SLC37A1: variants seen among roughly 807,000 people sequenced by gnomAD.
SLC37A1 encodes the protein glucose-6-phosphate exchanger SLC37A1.
Under a neutral mutation model 75.3 loss-of-function variants are expected in SLC37A1, and 49 were observed. The ratio of observed to expected loss-of-function variants is 0.65; its 90% confidence interval spans 0.52 to 0.83. The LOEUF (loss-of-function observed/expected upper bound fraction) is 0.83, where lower values mean the gene tolerates loss of function less well. Ranked by LOEUF, SLC37A1 falls within the 40% of genes least tolerant of loss-of-function variation. The probability of loss-of-function intolerance (pLI) is 0.00; values close to 1 mark genes in which losing one functional copy is unlikely to be tolerated. For synonymous variants in SLC37A1, 268 were observed against 292.1 expected (o/e 0.92, Z 0.84); for missense variants, 566 against 695.0 (o/e 0.81, Z 2.09).
chr21:42,547,041 A>C lies in SLC37A1; in HGVS notation c.731-62A>C. 1 of 1,608,472 alleles carries C rather than the reference A, an allele frequency of 6.2e-7. No individual in the cohort carries two copies. Among genetic ancestry groups the C allele is most frequent in the Non-Finnish European group, 8.5e-7 (1 of 1,174,960 alleles). On this transcript the variant is annotated intron_variant, in intron 8 of 19. Coordinates refer to ENST00000352133, the MANE Select transcript of SLC37A1 (RefSeq NM_001320537.2). This position sits in a 1 kb window ranked among gnomAD's most constrained non-coding sequence, Gnocchi z 6.1. Reference sequence around the variant, plus strand: ...GTGTTGCCCTGTCCTCGGGTTACGTAGCTTACTTGGCATTGCCATGGTGGT... The same window carrying C: ...GTGTTGCCCTGTCCTCGGGTTACGTCGCTTACTTGGCATTGCCATGGTGGT...
intron 3 of SLC37A1, among the ~76,000 whole-genome samples, chr21:42,534,451 C>T (rs888337985): frequency 5.9e-5 from 9 of 152,132 alleles, no homozygotes; most frequent in Non-Finnish European, 1.2e-4. Flanking sequence ...ATGAAGATGG[C>T]TTATGTTCGT....
At chr21:42,536,224 A>G (rs1844725761) in intron 5 of SLC37A1, among the ~76,000 whole-genome samples, 2 of 152,222 alleles carry the variant, frequency 1.3e-5, no homozygotes, top group South Asian at 4.1e-4. Flanking sequence ...GCCTTGAGCA[A>G]GTTACTATAC....
At chr21:42,516,967 G>T (rs2054532269) in intron 1 of SLC37A1, among the ~76,000 whole-genome samples, 2 of 152,210 alleles carry the variant, frequency 1.3e-5, no homozygotes, top group South Asian at 4.1e-4. Flanking sequence ...TAAATCTAGA[G>T]GTTTGAGCAG....
chr21:42,523,263 A>C (rs1057268684), intron 2 of SLC37A1, among the ~76,000 whole-genome samples: 1 of 152,138 alleles, frequency 6.6e-6, no homozygotes, highest in African/African-American at 2.4e-5. Flanking sequence ...TGGCCTGAGA[A>C]CTTTGTTCAC....
At position 42,536,191 on chromosome 21, in the gene SLC37A1, G is replaced by C. The variant is rs75071013; in HGVS notation, c.350+641G>C. Among the ~76,000 whole-genome samples the C allele has an allele frequency of 3.0e-3, 462 of 152,314 alleles. 18 individuals carry two copies. The East Asian group carries it at 0.064, about 21-fold the overall frequency. On this transcript the variant is annotated intron_variant, in intron 5 of 19. Transcript: ENST00000352133. ...GACACCAGCTGGGATCTGAACCCCA[G>C]CTCTACCACCTGCTAGGATGTGGCC...
intron 10 of SLC37A1, among the ~76,000 whole-genome samples, chr21:42,556,736 A>T (rs2146955974): frequency 6.6e-6 from 1 of 152,282 alleles, no homozygotes; most frequent in Middle Eastern, 3.4e-3. Context: ...GTCTTGGTCC[A>T]CCCAGTGGCT....
At chr21:42,557,349 C>T (rs961810537) in intron 10 of SLC37A1, among the ~76,000 whole-genome samples, 9 of 152,248 alleles carry the variant, frequency 5.9e-5, no homozygotes, top group Middle Eastern at 3.2e-3. Flanking sequence ...GATTCCAGTG[C>T]TTAGCCACAG....
chr21:42,541,241 T>C (rs1341341739), intron 6 of SLC37A1, among the ~76,000 whole-genome samples: 1 of 152,202 alleles, frequency 6.6e-6, no homozygotes, highest in Admixed American at 6.5e-5. Flanking sequence ...CGGCAATGCT[T>C]GCTCTCCCAC....
chr21:42,573,987 A>G (rs797012217), intron 17 of SLC37A1, among the ~76,000 whole-genome samples: 2 of 133,178 alleles, frequency 1.5e-5, no homozygotes, highest in African/African-American at 6.0e-5. Context: ...GAATTCAGAC[A>G]TTTTAGTACA....
In SLC37A1 at chr21:42,535,528, T is replaced by C; in HGVS notation, c.328T>C (p.Tyr110His). Residue 110 changes from tyrosine to histidine, a missense_variant, in exon 5 of 20, where the codon TAT (tyrosine) becomes CAT (histidine). By Grantham distance (83) the Tyr-to-His change is moderately conservative. Transcript: ENST00000352133. Reference protein sequence around the residue: ...GALDYSFLCAYAVGMYLSGII... With the variant: ...GALDYSFLCAHAVGMYLSGII... ...CCTGGACTACTCCTTCCTGTGCGCC[T>C]ATGCCGTGGGGATGTACCTCAGGTA... 1 of 1,614,214 alleles carries C rather than the reference T, an allele frequency of 6.2e-7. No homozygotes were observed. The highest frequency in any genetic ancestry group is 8.5e-7 in the Non-Finnish European group (1 of 1,180,016).
At chr21:42,510,535 T>A (rs929382342), upstream of SLC37A1, among the ~76,000 whole-genome samples, 2 of 152,054 alleles carry the variant, frequency 1.3e-5, no homozygotes, top group Non-Finnish European at 2.9e-5. Flanking sequence ...TATCAATAAT[T>A]AATGTAAATG....
intron 8 of SLC37A1, among the ~76,000 whole-genome samples, chr21:42,544,287 G>A (rs1729485956): frequency 6.6e-6 from 1 of 152,154 alleles, no homozygotes; most frequent in African/African-American, 2.4e-5. Flanking sequence ...AAACCATATG[G>A]CAGGAGACAG....
intron 5 of SLC37A1, among the ~76,000 whole-genome samples, chr21:42,537,858 G>A (rs1228430121): frequency 6.6e-6 from 1 of 152,166 alleles, no homozygotes; most frequent in Non-Finnish European, 1.5e-5. Context: ...GGGCCTTTTT[G>A]TGTGACAGTC....
At chr21:42,539,085 A>C (rs1385152138) in intron 5 of SLC37A1, among the ~76,000 whole-genome samples, 1 of 152,200 alleles carries the variant, frequency 6.6e-6, no homozygotes, top group East Asian at 1.9e-4. Flanking sequence ...CGTGGGGCCG[A>C]ATGACTTGCT....
At chr21:42,546,660 AGTGACTGGGGACAGGCCGG>A (rs2055414853) in intron 8 of SLC37A1, among the ~76,000 whole-genome samples, 1 of 152,188 alleles carries the variant, frequency 6.6e-6, no homozygotes, top group African/African-American at 2.4e-5. Context: ...TGCCAGGCCG[AGTGACTGGGGACAGGCCGG>A]GGCGTGTGCG....
rs1030498721 is a variant in SLC37A1 at position 42,573,227 on chromosome 21, G to A, written c.1424-1591G>A. ...GGATGAGAAAAGAGACCTGGGATCCGAGGTGCGGCAGAGGGAATGTAGCTA... is the reference window on the plus strand; with the variant it reads ...GGATGAGAAAAGAGACCTGGGATCCAAGGTGCGGCAGAGGGAATGTAGCTA... On this transcript the variant is annotated intron_variant, in intron 17 of 19. Coordinates refer to ENST00000352133, the MANE Select transcript of SLC37A1 (RefSeq NM_001320537.2). 8.5e-5 allele frequency among the ~76,000 whole-genome samples: 13 copies of A among 152,316 alleles called. 1 individual carries two copies. In the South Asian group the frequency reaches 1.2e-3, roughly 15 times the overall value.
intron 9 of SLC37A1, among the ~76,000 whole-genome samples, chr21:42,549,116 G>A (rs2839546): frequency 0.14 from 20,713 of 152,118 alleles, 2,072 homozygotes; most frequent in African/African-American, 0.28. Flanking sequence ...TTGTACAGTC[G>A]TGCCGTGAAG....
intron 9 of SLC37A1, among the ~76,000 whole-genome samples, chr21:42,551,000 G>A (rs2055543182): frequency 2.0e-5 from 3 of 152,236 alleles, no homozygotes; most frequent in Admixed American, 2.0e-4. Context: ...CTTTCCGCCT[G>A]AGATCAGGAA....
chr21:42,561,989 G>A (rs2055841892), intron 11 of SLC37A1, 89 bp from the exon 12 acceptor site: 2 of 1,046,876 alleles, frequency 1.9e-6, no homozygotes, highest in Non-Finnish European at 3.0e-6. Context: ...GTCTTTATGG[G>A]AGCGAAGTCA....
Sources: allele counts gnomAD v4.1 joint callset (sites outside exome capture counted in the v4.1 genomes callset), GRCh38; gene constraint gnomAD v4.1.1; non-coding constraint Gnocchi (gnomAD v3.1); transcripts MANE v1.5; gene names NCBI Gene and HGNC (gene_info 2026-07-23, HGNC 2026-07-21).